Variants in ETNK1 observed in about 807,000 individuals in gnomAD.
The protein encoded by ETNK1 is ethanolamine kinase 1.
In ETNK1, 8 loss-of-function variants were observed where a neutral mutation model predicts 45.1. The ratio of observed to expected loss-of-function variants is 0.18; its 90% CI spans 0.10 to 0.32. ETNK1 has a LOEUF of 0.32. Among genes scored for constraint, ETNK1 ranks in the 10% least tolerant of loss-of-function variants. The pLI, the probability that ETNK1 is intolerant of heterozygous loss-of-function variation, is 1.00. For synonymous variants in ETNK1, 152 were observed against 151.9 expected, an observed-to-expected ratio of 1.00 and a Z score of -0.01; for missense variants, 302 against 430.6, an observed-to-expected ratio of 0.70 and a Z score of 2.64.
intron 2 of ETNK1, among the ~76,000 whole-genome samples, chr12:22,658,511 A>G (rs940857339): frequency 1.2e-4 from 18 of 152,152 alleles, no homozygotes; most frequent in African/African-American, 4.3e-4. Flanking sequence ...AGAAAAAATT[A>G]CTCAGTGATA....
chr12:22,648,011 G>C (rs1366785131), intron 2 of ETNK1, among the ~76,000 whole-genome samples: 1 of 151,806 alleles, frequency 6.6e-6, no homozygotes, highest in Non-Finnish European at 1.5e-5. Context: ...ATAAATTAAT[G>C]ATTATTAAAT....
At chr12:22,671,705 G>C (rs1375702873) in intron 5 of ETNK1, among the ~76,000 whole-genome samples, 2 of 152,042 alleles carry the variant, frequency 1.3e-5, no homozygotes, top group African/African-American at 4.8e-5. Flanking sequence ...CGGGCGTGGT[G>C]GTGGGCGCCT....
At chr12:22,670,228 A>T (rs1229269098) in intron 4 of ETNK1, among the ~76,000 whole-genome samples, 1 of 152,182 alleles carries the variant, frequency 6.6e-6, no homozygotes. Flanking sequence ...AAGCCTGATG[A>T]TTAAAAGACA....
intron 6 of ETNK1, among the ~76,000 whole-genome samples, chr12:22,675,382 G>T (rs1383635170): frequency 6.6e-6 from 1 of 151,812 alleles, no homozygotes; most frequent in Non-Finnish European, 1.5e-5. Context: ...TAGATACAAG[G>T]TCTTGCTCTG....
intron 1 of ETNK1, among the ~76,000 whole-genome samples, chr12:22,634,341 A>G (rs889897506): frequency 7.9e-5 from 12 of 152,174 alleles, no homozygotes; most frequent in Admixed American, 7.9e-4. Flanking sequence ...ATCAATTGCT[A>G]ATATTTTGAT....
chr12:22,628,290 A>G (rs1953531841), intron 1 of ETNK1, among the ~76,000 whole-genome samples: 1 of 152,140 alleles, frequency 6.6e-6, no homozygotes, highest in South Asian at 2.1e-4. Flanking sequence ...TTATTGTTCT[A>G]TGACCAAGAG....
At chr12:22,663,642 G>A (rs1954028233) in intron 4 of ETNK1, among the ~76,000 whole-genome samples, 1 of 152,114 alleles carries the variant, frequency 6.6e-6, no homozygotes, top group Non-Finnish European at 1.5e-5. Flanking sequence ...CTTTAAGAAT[G>A]CAAGGTTGTC....
At chr12:22,676,137 C>A (rs1239115623) in intron 6 of ETNK1, among the ~76,000 whole-genome samples, 1 of 152,156 alleles carries the variant, frequency 6.6e-6, no homozygotes, top group Non-Finnish European at 1.5e-5. Flanking sequence ...TTAGGTATTT[C>A]TTCTAATGCT....
intron 4 of ETNK1, 132 bp from the exon 5 acceptor site, chr12:22,671,140 G>T: frequency 1.4e-6 from 1 of 722,640 alleles, no homozygotes; most frequent in Non-Finnish European, 2.5e-6. Context: ...ACCCTGTATT[G>T]TCTCACAAGT....
intron 6 of ETNK1, among the ~76,000 whole-genome samples, chr12:22,680,530 T>C (rs910007728): frequency 6.6e-6 from 1 of 152,210 alleles, no homozygotes; most frequent in African/African-American, 2.4e-5. Flanking sequence ...TGATGTTGCA[T>C]GTCTGTGTAC....
intron 2 of ETNK1, among the ~76,000 whole-genome samples, chr12:22,651,126 G>A (rs1953869433): frequency 1.3e-5 from 2 of 152,168 alleles, no homozygotes. Flanking sequence ...TAATGTACAG[G>A]GTTTTATAGA....
chr12:22,673,522 T>A lies in ETNK1; in HGVS notation c.807T>A (p.Ser269Arg), dbSNP rs527337800. 2 of 1,613,440 alleles carry A rather than the reference T, an allele frequency of 1.2e-6. No homozygotes were observed. Among genetic ancestry groups the A allele is most frequent in the Admixed American group, 3.3e-5 (2 of 59,980 alleles). Residue 269 changes from serine to arginine, a missense_variant, in exon 6 of 8, where the codon AGT becomes AGA. Ser to Arg is a moderately radical substitution (Grantham distance 110). Around this residue, in one of 3 missense-constraint regions of ETNK1, gnomAD observed 94 missense variants for 152.9 expected, o/e 0.61. Transcript: ENST00000266517. ...EFAGVSDVDY[S>R]LYPDRELQSQ... ...AAGGTGTGAGTGATGTAGACTATAG[T>A]CTGTATCCAGATAGAGAACTACAGA...
At chr12:22,677,855 A>AT (rs1050090107) in intron 6 of ETNK1, among the ~76,000 whole-genome samples, 19 of 151,520 alleles carry the variant, frequency 1.3e-4, no homozygotes, top group African/African-American at 3.9e-4. Context: ...TTGTAAATTG[A>AT]TTTTTTTTTC....
intron 1 of ETNK1, among the ~76,000 whole-genome samples, chr12:22,635,070 C>T (rs1953637362): frequency 6.6e-6 from 1 of 152,210 alleles, no homozygotes; most frequent in African/African-American, 2.4e-5. Flanking sequence ...AAGGCGGTCT[C>T]ATGCACACAG....
intron 2 of ETNK1, among the ~76,000 whole-genome samples, chr12:22,648,265 G>T (rs1953832167): frequency 6.6e-6 from 1 of 151,852 alleles, no homozygotes; most frequent in South Asian, 2.1e-4. Flanking sequence ...TCTTGGTGAT[G>T]TACATTCTGT....
intron 2 of ETNK1, among the ~76,000 whole-genome samples, chr12:22,645,268 A>G (rs989605170): frequency 2.6e-5 from 4 of 151,874 alleles, no homozygotes; most frequent in African/African-American, 9.7e-5. Flanking sequence ...TTTTGTATAT[A>G]TACAAAAACA....
rs1469309474 is a variant in ETNK1 at position 22,686,683 on chromosome 12, A to G, written c.*1729A>G. 1 of 152,198 alleles carries G rather than the reference A, an allele frequency of 6.6e-6. No homozygotes were observed. Among genetic ancestry groups the G allele is most frequent in the Admixed American group, 6.6e-5 (1 of 15,238 alleles). The allele number at this position is 152,198 out of a possible 1,614,324, so 9.4% of individuals were successfully genotyped here. Reference sequence around the variant, plus strand: ...GTTCACTTTTGTTTTTATAAACCATATTACTGTAAGATCAATAGAACTTTG... The same window carrying G: ...GTTCACTTTTGTTTTTATAAACCATGTTACTGTAAGATCAATAGAACTTTG... On this transcript the variant is annotated 3_prime_UTR_variant, in exon 8 of 8. Transcript: ENST00000266517.
chr12:22,662,392 C>CT (rs79930955), intron 4 of ETNK1, among the ~76,000 whole-genome samples: 53,101 of 122,800 alleles, frequency 0.43, 11,481 homozygotes, highest in East Asian at 0.79. Context: ...CTGGCCTTTC[C>CT]TTTTTTTTTT....
intron 1 of ETNK1, among the ~76,000 whole-genome samples, chr12:22,633,854 A>T (rs967863312): frequency 3.3e-5 from 5 of 152,046 alleles, no homozygotes; most frequent in African/African-American, 1.2e-4. Flanking sequence ...AATTTTTTTC[A>T]CACACTCTAA....
Sources: allele counts gnomAD v4.1 joint callset (sites outside exome capture counted in the v4.1 genomes callset), GRCh38; gene constraint gnomAD v4.1.1; regional missense constraint gnomAD v4.1.1; transcripts MANE v1.5; gene names NCBI Gene and HGNC (gene_info 2026-07-23, HGNC 2026-07-21).